IAPP: variants seen among roughly 807,000 people sequenced by gnomAD.
IAPP encodes Islet amyloid polypeptide (diabetes-associated peptide; amylin).
In IAPP, 4 loss-of-function variants were observed where a neutral mutation model predicts 2.9. That is an observed-to-expected ratio of 1.39 (90% CI 0.69 to 3.19). The LOEUF is 3.19. IAPP is among the 30% of genes most tolerant of loss of function. IAPP has a pLI of 0.01. For missense variants in IAPP, 114 were observed against 105.3 expected (o/e 1.08, Z -0.36); for synonymous variants, 40 against 42.1 (o/e 0.95, Z 0.19).
upstream of IAPP, among the ~76,000 whole-genome samples, chr12:21,369,246 C>A (rs1169741824): frequency 6.6e-6 from 1 of 152,120 alleles, no homozygotes; most frequent in Non-Finnish European, 1.5e-5. Context: ...CTTCTCATTT[C>A]TTCCCTTTAT....
At chr12:21,372,097 A>C (rs1201822324), upstream of IAPP, among the ~76,000 whole-genome samples, 1 of 152,232 alleles carries the variant, frequency 6.6e-6, no homozygotes, top group East Asian at 1.9e-4. Context: ...ATTTTAAAAG[A>C]CAAACTACAA....
intron 1 of IAPP, among the ~76,000 whole-genome samples, chr12:21,361,913 G>T (rs549037774): frequency 9.2e-5 from 14 of 152,238 alleles, no homozygotes; most frequent in Middle Eastern, 6.8e-3. Context: ...CCAAATCTAC[G>T]TCTGATTGGT....
intron 1 of IAPP, among the ~76,000 whole-genome samples, chr12:21,365,521 G>T (rs1939305108): frequency 6.6e-6 from 1 of 152,038 alleles, no homozygotes; most frequent in African/African-American, 2.4e-5. Context: ...CAAAAGCAAT[G>T]GCAACAAAAG....
chr12:21,370,571 C>T (rs867443805), upstream of IAPP, among the ~76,000 whole-genome samples: 6 of 147,254 alleles, frequency 4.1e-5, no homozygotes, highest in South Asian at 4.3e-4. Flanking sequence ...TGAGTGAGAA[C>T]GTGCAGTGTT....
chr12:21,362,777 C>G (rs567087455), intron 1 of IAPP, among the ~76,000 whole-genome samples: 1 of 152,048 alleles, frequency 6.6e-6, no homozygotes, highest in Non-Finnish European at 1.5e-5. Context: ...GACTTTAAAC[C>G]AATAAAGATC....
At chr12:21,371,801 G>A (rs1274265866), upstream of IAPP, among the ~76,000 whole-genome samples, 3 of 152,128 alleles carry the variant, frequency 2.0e-5, no homozygotes, top group South Asian at 2.1e-4. Flanking sequence ...TTGGGAGTTC[G>A]AGACCAGCCT....
chr12:21,369,115 T>C (rs1939603103), upstream of IAPP, among the ~76,000 whole-genome samples: 1 of 152,204 alleles, frequency 6.6e-6, no homozygotes, highest in African/African-American at 2.4e-5. Context: ...ACAAATTTGA[T>C]AAAATGTAAA....
chr12:21,362,571 G>C (rs928783018), intron 1 of IAPP, among the ~76,000 whole-genome samples: 3 of 152,048 alleles, frequency 2.0e-5, no homozygotes, highest in Non-Finnish European at 4.4e-5. Flanking sequence ...AATGTAAATG[G>C]GCTAAATGCT....
intron 1 of IAPP, among the ~76,000 whole-genome samples, chr12:21,358,239 A>G (rs1390836357): frequency 6.6e-6 from 1 of 152,240 alleles, no homozygotes; most frequent in Non-Finnish European, 1.5e-5. Flanking sequence ...AAGAGATGAA[A>G]GTATGCTGGA....
chr12:21,376,981 C>T (rs977136520), intron 2 of IAPP, among the ~76,000 whole-genome samples: 4 of 152,094 alleles, frequency 2.6e-5, no homozygotes, highest in Admixed American at 2.0e-4. Context: ...TTTCCGATAT[C>T]GTTTTAAAAG....
chr12:21,374,746 C>G (rs1356727855), intron 2 of IAPP, among the ~76,000 whole-genome samples: 1 of 152,038 alleles, frequency 6.6e-6, no homozygotes, highest in Non-Finnish European at 1.5e-5. Flanking sequence ...TATCTTGATA[C>G]TTTCTTTCAA....
chr12:21,368,350 C>A (rs915322785), upstream of IAPP, among the ~76,000 whole-genome samples: 2 of 152,008 alleles, frequency 1.3e-5, no homozygotes, highest in Non-Finnish European at 2.9e-5. Context: ...ACAACAAATG[C>A]CCCCATTTTT....
intron 2 of IAPP, 68 bp downstream of exon 2, chr12:21,373,499 T>G: frequency 9.7e-7 from 1 of 1,034,810 alleles, no homozygotes; most frequent in Non-Finnish European, 1.5e-6. Flanking sequence ...AATTAAATAC[T>G]GTCAAATAAC....
intron 1 of IAPP, among the ~76,000 whole-genome samples, chr12:21,360,686 C>T (rs576508854): frequency 2.0e-5 from 3 of 152,206 alleles, no homozygotes; most frequent in Non-Finnish European, 4.4e-5. Context: ...ACACTCCCAC[C>T]CTAATACTGC....
At chr12:21,358,253 AATC>A (rs1174700207) in intron 1 of IAPP, among the ~76,000 whole-genome samples, 1 of 152,228 alleles carries the variant, frequency 6.6e-6, no homozygotes, top group Non-Finnish European at 1.5e-5. Flanking sequence ...TGCTGGAAAA[AATC>A]ATTAAGCTTG....
At chr12:21,362,357 T>C (rs1938975225) in intron 1 of IAPP, among the ~76,000 whole-genome samples, 1 of 152,146 alleles carries the variant, frequency 6.6e-6, no homozygotes, top group Non-Finnish European at 1.5e-5. Flanking sequence ...GCTGAGAGAT[T>C]TTGTCACCAC....
chr12:21,357,622 T>C (rs1332065742), intron 1 of IAPP, among the ~76,000 whole-genome samples: 1 of 152,208 alleles, frequency 6.6e-6, no homozygotes, highest in Non-Finnish European at 1.5e-5. Flanking sequence ...ATGCTCTAAG[T>C]ATTATTGAAT....
upstream of IAPP, among the ~76,000 whole-genome samples, chr12:21,372,003 C>CA (rs1362444409): frequency 2.7e-4 from 33 of 122,530 alleles, no homozygotes; most frequent in Middle Eastern, 4.0e-3. Context: ...AACTTCATCT[C>CA]AAAAAAAAAG....
At chr12:21,374,819 G>GTCTC (rs71043266) in intron 2 of IAPP, among the ~76,000 whole-genome samples, 47 of 148,270 alleles carry the variant, frequency 3.2e-4, no homozygotes, top group African/African-American at 5.7e-4. Flanking sequence ...TTGAGACAGG[G>GTCTC]TCTCTCTCTC....
Sources: allele counts gnomAD v4.1 joint callset (sites outside exome capture counted in the v4.1 genomes callset), GRCh38; gene constraint gnomAD v4.1.1; transcripts MANE v1.5; gene names NCBI Gene and HGNC (gene_info 2026-07-23, HGNC 2026-07-21).